The following ULK4 variants were observed in gnomAD, a reference collection of about 807,000 sequenced individuals.
ULK4 encodes the protein unc-51 like kinase 4.
Under a neutral mutation model 160.6 loss-of-function variants are expected in ULK4, and 133 were observed. That is an observed-to-expected ratio of 0.83 (90% confidence interval 0.72 to 0.96). The LOEUF (loss-of-function observed/expected upper bound fraction) is 0.96. Ranked by LOEUF, ULK4 falls within the 40% of genes least tolerant of loss-of-function variation. The pLI is 0.00. For synonymous variants in ULK4, 534 were observed against 539.8 expected (o/e 0.99, Z 0.15); for missense variants, 1,580 against 1,499.5 (o/e 1.05, Z -0.89).
At chr3:41,402,667 T>C (rs1250252284) in intron 34 of ULK4, among the ~76,000 whole-genome samples, 2 of 152,222 alleles carry the variant, frequency 1.3e-5, no homozygotes, top group African/African-American at 4.8e-5. Flanking sequence ...CATTAATTTA[T>C]GTTTCAATGT....
chr3:41,946,027 A>G (rs1468353556), intron 2 of ULK4, among the ~76,000 whole-genome samples: 2 of 72,742 alleles, frequency 2.7e-5, no homozygotes, highest in Non-Finnish European at 9.4e-5. Context: ...GTGGGAAGAA[A>G]GAGACGGGCA....
chr3:41,431,096 T>C (rs1194227012), intron 34 of ULK4, among the ~76,000 whole-genome samples: 1 of 152,138 alleles, frequency 6.6e-6, no homozygotes, highest in Non-Finnish European at 1.5e-5. Flanking sequence ...ACGCTGGTAA[T>C]CCTAGCACTT....
At chr3:41,931,771 T>C (rs990668536) in intron 5 of ULK4, 73 bp downstream of exon 5, 37 of 1,530,080 alleles carry the variant, frequency 2.4e-5, no homozygotes, top group Non-Finnish European at 3.1e-5. Flanking sequence ...AAGACTGACA[T>C]TGTCTCCTAA....
chr3:41,800,385 G>T, intron 19 of ULK4, 92 bp from the exon 20 acceptor site: 2 of 1,285,320 alleles, frequency 1.6e-6, no homozygotes, highest in Non-Finnish European at 2.2e-6. Flanking sequence ...ATGATACCAA[G>T]ACAGTAACAT....
chr3:41,591,959 T>G (rs1045721979), intron 31 of ULK4, among the ~76,000 whole-genome samples: 3 of 152,200 alleles, frequency 2.0e-5, no homozygotes, highest in African/African-American at 4.8e-5. Flanking sequence ...GCAGGCAGGA[T>G]AGACTGCAGC....
At chr3:41,634,903 T>C (rs1473950681) in intron 30 of ULK4, among the ~76,000 whole-genome samples, 1 of 151,986 alleles carries the variant, frequency 6.6e-6, no homozygotes, top group African/African-American at 2.4e-5. Flanking sequence ...AAGAGCAAAG[T>C]TGGAAAAGAA....
intron 35 of ULK4, among the ~76,000 whole-genome samples, chr3:41,301,397 C>A (rs945575686): frequency 2.0e-5 from 3 of 152,066 alleles, no homozygotes; most frequent in Non-Finnish European, 4.4e-5. Flanking sequence ...ACCCAAGATA[C>A]CTTCTAATTA....
intron 35 of ULK4, among the ~76,000 whole-genome samples, chr3:41,386,036 C>T (rs561013444): frequency 1.3e-5 from 2 of 152,286 alleles, no homozygotes; most frequent in East Asian, 3.9e-4. Flanking sequence ...ATACTGTATT[C>T]AGCCATTCAG....
At chr3:41,626,091 G>A (rs1031213060) in intron 30 of ULK4, among the ~76,000 whole-genome samples, 1 of 152,042 alleles carries the variant, frequency 6.6e-6, no homozygotes, top group Non-Finnish European at 1.5e-5. Flanking sequence ...TGGTTAAAGA[G>A]TCTCCCTTAC....
In ULK4 at chr3:41,757,360, C is replaced by T. The variant is rs558579184; in HGVS notation, c.2194-2872G>A. The stretch of plus-strand genomic sequence containing the variant: ...GATAAAAACTCTTTTTGGCCAGGCA[C>T]AGTGGCTCACGCCTGTAATCCCAGC... On this transcript the variant is annotated intron_variant, in intron 21 of 36. Transcript: ENST00000301831. 2.0e-4 allele frequency among the ~76,000 whole-genome samples: 30 copies of T among 152,214 alleles called. 1 individual carries two copies. The highest frequency in any genetic ancestry group is 1.5e-3 in the Admixed American group (23 of 15,298).
At chr3:41,665,798 T>C (rs1425619069) in intron 29 of ULK4, among the ~76,000 whole-genome samples, 1 of 152,214 alleles carries the variant, frequency 6.6e-6, no homozygotes, top group African/African-American at 2.4e-5. Context: ...AGAGAGATCA[T>C]TAGTTCCTTT....
intron 25 of ULK4, among the ~76,000 whole-genome samples, chr3:41,710,231 C>T (rs2125835280): frequency 6.6e-6 from 1 of 152,210 alleles, no homozygotes; most frequent in African/African-American, 2.4e-5. Context: ...AAAATTCCCA[C>T]AAATTTTTCA....
At chr3:41,351,754 G>A (rs1455197780) in intron 35 of ULK4, among the ~76,000 whole-genome samples, 1 of 152,154 alleles carries the variant, frequency 6.6e-6, no homozygotes, top group Non-Finnish European at 1.5e-5. Context: ...AAGATGGGAA[G>A]AAGGTGCTCC....
chr3:41,653,309 C>T (rs2034814333), intron 30 of ULK4, among the ~76,000 whole-genome samples: 1 of 152,192 alleles, frequency 6.6e-6, no homozygotes, highest in Non-Finnish European at 1.5e-5. Flanking sequence ...AGCCTGCTTA[C>T]CCTGTCTTGC....
At chr3:41,573,257 C>A (rs904932772) in intron 31 of ULK4, among the ~76,000 whole-genome samples, 2 of 152,202 alleles carry the variant, frequency 1.3e-5, no homozygotes, top group Admixed American at 6.5e-5. Flanking sequence ...GAAGAATCAG[C>A]CTTCTCAAAA....
chr3:41,747,598 T>C (rs2038462071), intron 22 of ULK4, among the ~76,000 whole-genome samples: 1 of 152,166 alleles, frequency 6.6e-6, no homozygotes, highest in Non-Finnish European at 1.5e-5. Context: ...AATGTGACTA[T>C]ATTTGAAGAT....
intron 25 of ULK4, among the ~76,000 whole-genome samples, chr3:41,713,310 T>C (rs1057122335): frequency 6.6e-6 from 1 of 152,154 alleles, no homozygotes. Context: ...TATGAATTCA[T>C]AGAAGCAACA....
intron 22 of ULK4, among the ~76,000 whole-genome samples, chr3:41,728,003 G>C (rs995583499): frequency 6.6e-6 from 1 of 152,214 alleles, no homozygotes; most frequent in Non-Finnish European, 1.5e-5. Context: ...GAATAACAGA[G>C]CCACCATTTA....
intron 31 of ULK4, among the ~76,000 whole-genome samples, chr3:41,595,427 A>G (rs1293310951): frequency 1.3e-5 from 2 of 152,248 alleles, no homozygotes; most frequent in Non-Finnish European, 2.9e-5. Flanking sequence ...TAATCCTAGA[A>G]AAGAAGGCTA....
Sources: allele counts gnomAD v4.1 joint callset (sites outside exome capture counted in the v4.1 genomes callset), GRCh38; gene constraint gnomAD v4.1.1; transcripts MANE v1.5; gene names NCBI Gene and HGNC (gene_info 2026-07-23, HGNC 2026-07-21).